The following PABPC4L variants were observed in gnomAD, a reference collection of about 807,000 sequenced individuals.
PABPC4L encodes the protein poly(A) binding protein cytoplasmic 4 like, also known as polyadenylate-binding protein 4-like.
For missense variants in PABPC4L, 452 were observed against 451.4 expected (o/e 1.00, Z -0.01); for synonymous variants, 169 against 164.1 (o/e 1.03, Z -0.23).
chr4:134,096,100 T>C, the PABPC4L span, among the ~76,000 whole-genome samples: 1 of 152,052 alleles, frequency 6.6e-6, no homozygotes, highest in Non-Finnish European at 1.5e-5. Context: ...CTTAAAGCTT[T>C]ACTTGGCACA....
At chr4:134,028,304 A>G in the PABPC4L span, among the ~76,000 whole-genome samples, 1 of 152,130 alleles carries the variant, frequency 6.6e-6, no homozygotes, top group Admixed American at 6.6e-5. Context: ...CGACCTTATC[A>G]TAGCTTAAGA....
chr4:134,127,148 A>G, the PABPC4L span, among the ~76,000 whole-genome samples: 1 of 152,010 alleles, frequency 6.6e-6, no homozygotes, highest in African/African-American at 2.4e-5. Context: ...AAGGAGAGTC[A>G]GCTCAGACAG....
At chr4:134,055,070 G>A in the PABPC4L span, among the ~76,000 whole-genome samples, 3 of 151,818 alleles carry the variant, frequency 2.0e-5, no homozygotes, top group Admixed American at 6.6e-5. Context: ...GCTTTAATTT[G>A]CATTTTCCTG....
At chr4:134,150,848 C>T in the PABPC4L span, among the ~76,000 whole-genome samples, 1 of 152,122 alleles carries the variant, frequency 6.6e-6, no homozygotes, top group Non-Finnish European at 1.5e-5. Context: ...CTTTTAGTAA[C>T]ATTTTTTATG....
At chr4:134,107,613 A>T in the PABPC4L span, among the ~76,000 whole-genome samples, 1 of 151,624 alleles carries the variant, frequency 6.6e-6, no homozygotes, top group Non-Finnish European at 1.5e-5. Context: ...TTGTTGCAAC[A>T]GCCTTTTTTG....
At chr4:134,192,734 A>G (rs1359999170), downstream of PABPC4L, among the ~76,000 whole-genome samples, 1 of 152,170 alleles carries the variant, frequency 6.6e-6, no homozygotes, top group African/African-American at 2.4e-5. Flanking sequence ...GAATCTCACT[A>G]AAATACGCTG....
At chr4:134,066,345 G>A in the PABPC4L span, among the ~76,000 whole-genome samples, 3 of 151,920 alleles carry the variant, frequency 2.0e-5, no homozygotes, top group African/African-American at 7.3e-5. Flanking sequence ...TCTCAGTTTG[G>A]ATGTTGCTTG....
the PABPC4L span, among the ~76,000 whole-genome samples, chr4:134,131,803 CA>C: frequency 7.1e-6 from 1 of 140,654 alleles, no homozygotes; most frequent in Non-Finnish European, 1.5e-5. Context: ...TTATATTACT[CA>C]ACTTCACACT....
the PABPC4L span, among the ~76,000 whole-genome samples, chr4:133,997,356 T>G: frequency 6.6e-6 from 1 of 152,256 alleles, no homozygotes; most frequent in East Asian, 1.9e-4. Context: ...TTCAAAATAT[T>G]ACCTCTCATT....
chr4:133,976,001 T>C, the PABPC4L span, among the ~76,000 whole-genome samples: 1 of 152,170 alleles, frequency 6.6e-6, no homozygotes, highest in African/African-American at 2.4e-5. Context: ...TGTCAGGATG[T>C]GCAGGTTTGT....
At chr4:134,060,947 G>A in the PABPC4L span, among the ~76,000 whole-genome samples, 5 of 152,002 alleles carry the variant, frequency 3.3e-5, no homozygotes, top group African/African-American at 1.2e-4. Flanking sequence ...GAGTGAGGGA[G>A]GATGTCAGAT....
chr4:133,979,354 T>C, the PABPC4L span, among the ~76,000 whole-genome samples: 1 of 152,104 alleles, frequency 6.6e-6, no homozygotes, highest in Admixed American at 6.6e-5. Flanking sequence ...AAAGAACAAA[T>C]ATAGTCAATG....
At chr4:134,014,331 T>G in the PABPC4L span, among the ~76,000 whole-genome samples, 2 of 152,188 alleles carry the variant, frequency 1.3e-5, no homozygotes, top group African/African-American at 4.8e-5. Context: ...AATGCCTTCC[T>G]TGCTTCCACT....
the PABPC4L span, among the ~76,000 whole-genome samples, chr4:134,003,968 C>T: frequency 2.0e-5 from 3 of 151,984 alleles, no homozygotes; most frequent in East Asian, 5.8e-4. Context: ...AAGTGTACCT[C>T]ATCTCATACA....
chr4:134,075,586 C>G, the PABPC4L span, among the ~76,000 whole-genome samples: 1 of 151,990 alleles, frequency 6.6e-6, no homozygotes, highest in Non-Finnish European at 1.5e-5. Context: ...CAACATATTC[C>G]CCCAAGCGGA....
At chr4:134,014,682 C>T in the PABPC4L span, among the ~76,000 whole-genome samples, 1 of 152,038 alleles carries the variant, frequency 6.6e-6, no homozygotes, top group African/African-American at 2.4e-5. Flanking sequence ...GCCCCTTAGA[C>T]CATCACGGAT....
At chr4:134,175,949 A>C in the PABPC4L span, among the ~76,000 whole-genome samples, 1 of 152,150 alleles carries the variant, frequency 6.6e-6, no homozygotes, top group African/African-American at 2.4e-5. Flanking sequence ...TTTCCAAGTA[A>C]ATTCAGATTC....
At chr4:134,164,794 A>G in the PABPC4L span, among the ~76,000 whole-genome samples, 1 of 152,170 alleles carries the variant, frequency 6.6e-6, no homozygotes, top group Admixed American at 6.6e-5. Context: ...CATATGGATC[A>G]GGAAAGAGCC....
At chr4:134,061,256 G>A in the PABPC4L span, among the ~76,000 whole-genome samples, 2 of 151,510 alleles carry the variant, frequency 1.3e-5, no homozygotes, top group Non-Finnish European at 2.9e-5. Context: ...ATTAGAGTAT[G>A]AGTGTTTAAA....
Sources: allele counts gnomAD v4.1 joint callset (sites outside exome capture counted in the v4.1 genomes callset), GRCh38; gene constraint gnomAD v4.1.1; transcripts MANE v1.5; gene names NCBI Gene and HGNC (gene_info 2026-07-23, HGNC 2026-07-21).